Variants in STAP1 observed in about 807,000 individuals in gnomAD.
STAP1 encodes the protein signal-transducing adaptor protein 1.
A neutral mutation model predicts 37.8 loss-of-function variants in STAP1; 30 were observed. The ratio of observed to expected loss-of-function variants is 0.79; its 90% CI spans 0.59 to 1.08. The LOEUF (loss-of-function observed/expected upper bound fraction) is 1.08. Ranked by LOEUF, STAP1 falls within the 50% of genes least tolerant of loss-of-function variation. The pLI, the probability that STAP1 is intolerant of heterozygous loss-of-function variation, is 0.00. For synonymous variants in STAP1, 130 were observed against 116.0 expected, an observed-to-expected ratio of 1.12 and a Z score of -0.78; for missense variants, 357 against 349.4, an observed-to-expected ratio of 1.02 and a Z score of -0.17.
intron 1 of STAP1, among the ~76,000 whole-genome samples, chr4:67,569,266 T>G (rs1727545013): frequency 1.3e-5 from 2 of 152,210 alleles, no homozygotes; most frequent in African/African-American, 4.8e-5. Context: ...TATACCTGTA[T>G]AGGGCACTTA....
At chr4:67,576,532 T>C (rs116512207) in intron 3 of STAP1, among the ~76,000 whole-genome samples, 1 of 152,310 alleles carries the variant, frequency 6.6e-6, no homozygotes, top group African/African-American at 2.4e-5. Context: ...GTAATACCTG[T>C]GAAGTGCTTA....
At position 67,572,997 on chromosome 4, in the gene STAP1, TAA is replaced by T. The variant is rs532568714; in HGVS notation, c.192+1843_192+1844del. Among the ~76,000 whole-genome samples, 33 of 152,336 alleles carry T rather than the reference TAA, an allele frequency of 2.2e-4. No homozygotes were observed. The East Asian group carries it at 6.2e-3, about 28-fold the overall frequency. ...GAATTGCCCATCTACCAATTTTTGT[TAA>T]GAGTATACAGACCTTTTGGGAACTT... On this transcript the variant is annotated intron_variant, in intron 2 of 8. Coordinates refer to ENST00000265404, the MANE Select transcript of STAP1 (RefSeq NM_012108.4).
At chr4:67,563,696 C>T (rs1727403385) in intron 1 of STAP1, among the ~76,000 whole-genome samples, 2 of 152,166 alleles carry the variant, frequency 1.3e-5, no homozygotes, top group East Asian at 1.9e-4. Flanking sequence ...GAGCGAGACC[C>T]TGTCTCTCTA....
intron 8 of STAP1, among the ~76,000 whole-genome samples, chr4:67,602,878 T>G (rs1365665057): frequency 2.0e-5 from 3 of 152,074 alleles, no homozygotes; most frequent in Admixed American, 2.0e-4. Flanking sequence ...TGGTGACCAT[T>G]GTCTGGGTAC....
At chr4:67,595,060 T>C (rs113018940) in intron 8 of STAP1, among the ~76,000 whole-genome samples, 4 of 152,248 alleles carry the variant, frequency 2.6e-5, no homozygotes, top group South Asian at 2.1e-4. Flanking sequence ...GATTGTACTT[T>C]GGTGTTATAC....
rs879875528 is a variant in STAP1 at position 67,599,642 on chromosome 4, C to CT, written c.826+6297dup. 3.0e-3 allele frequency among the ~76,000 whole-genome samples: 430 copies of CT among 144,446 alleles called. 1 individual carries two copies. Among genetic ancestry groups the CT allele is most frequent in the African/African-American group, 6.2e-3 (246 of 39,592 alleles). 94.8% of individuals were successfully genotyped at this position (144,446 alleles called of 152,430 possible). A position where few individuals can be genotyped will look rare whatever the true frequency, so the allele number is the denominator to read the frequency against. ...TTTGTTGATTTTCTTTTTTCTTTTTCTTTTTTTTTTTATTTTTGAGATGGA... is the reference window on the plus strand; with the variant it reads ...TTTGTTGATTTTCTTTTTTCTTTTTCTTTTTTTTTTTTATTTTTGAGATGGA... On this transcript the variant is annotated intron_variant, in intron 8 of 8. Transcript: ENST00000265404.
At chr4:67,579,184 C>T (rs1254204544) in intron 4 of STAP1, among the ~76,000 whole-genome samples, 1 of 152,074 alleles carries the variant, frequency 6.6e-6, no homozygotes, top group African/African-American at 2.4e-5. Context: ...GACAAGTTGC[C>T]TCAAATTGTG....
intron 8 of STAP1, among the ~76,000 whole-genome samples, chr4:67,595,350 A>C (rs1728200576): frequency 7.0e-6 from 1 of 143,462 alleles, no homozygotes; most frequent in African/African-American, 2.7e-5. Context: ...ATCCTGGGCA[A>C]CATAGGGAGA....
chr4:67,571,200 C>T (rs1168427646), intron 2 of STAP1, 45 bp downstream of exon 2: 19 of 1,292,934 alleles, frequency 1.5e-5, no homozygotes, highest in Non-Finnish European at 2.0e-5. Context: ...CCAATATACC[C>T]TTGTCACATA....
chr4:67,591,616 T>C (rs992018222), intron 7 of STAP1, among the ~76,000 whole-genome samples: 1 of 152,194 alleles, frequency 6.6e-6, no homozygotes, highest in African/African-American at 2.4e-5. Context: ...AGTGGGAAGA[T>C]TGAGTCAGGA....
intron 8 of STAP1, among the ~76,000 whole-genome samples, chr4:67,599,184 G>A (rs1203281940): frequency 6.6e-6 from 1 of 151,968 alleles, no homozygotes; most frequent in Admixed American, 6.6e-5. Flanking sequence ...TTAAAAATGT[G>A]TCTTTGTTAG....
chr4:67,576,631 C>G (rs1727726469), intron 3 of STAP1, among the ~76,000 whole-genome samples: 1 of 152,154 alleles, frequency 6.6e-6, no homozygotes, highest in South Asian at 2.1e-4. Flanking sequence ...CTTAGCCTCT[C>G]AAGTAGCTGA....
chr4:67,569,474 T>C (rs1269039604), intron 1 of STAP1, among the ~76,000 whole-genome samples: 5 of 144,280 alleles, frequency 3.5e-5, no homozygotes, highest in Non-Finnish European at 8.0e-5. Flanking sequence ...TATTTTACAT[T>C]ATAAACTTGT....
At chr4:67,564,524 A>C (rs1727422053) in intron 1 of STAP1, among the ~76,000 whole-genome samples, 1 of 152,186 alleles carries the variant, frequency 6.6e-6, no homozygotes, top group Admixed American at 6.5e-5. Context: ...TACTGTAGTT[A>C]TGAGGCTGAT....
chr4:67,559,235 G>T (rs1727280535), intron 1 of STAP1, among the ~76,000 whole-genome samples: 1 of 152,020 alleles, frequency 6.6e-6, no homozygotes, highest in Non-Finnish European at 1.5e-5. Flanking sequence ...ATTTTGGCTT[G>T]GGAGATAAAA....
rs1052186468 is a variant in STAP1 at position 67,571,015 on chromosome 4, G to A, written c.121-69G>A. ...CACAAGCAATTAAGAAAGTTACAAA[G>A]GATAATATTATTAGAAAAATAGTTG... On this transcript the variant is annotated intron_variant, in intron 1 of 8. Transcript: ENST00000265404. 10 of 1,266,640 alleles carry A rather than the reference G, an allele frequency of 7.9e-6. No individual in the cohort carries two copies. The African/African-American group carries it at 1.5e-4, about 19-fold the overall frequency. 78.5% of individuals were successfully genotyped at this position (1,266,640 alleles called of 1,614,324 possible).
At chr4:67,603,324 A>T (rs1728384397) in intron 8 of STAP1, among the ~76,000 whole-genome samples, 1 of 152,170 alleles carries the variant, frequency 6.6e-6, no homozygotes, top group African/African-American at 2.4e-5. Context: ...TCCAGGAACC[A>T]AGGTCTAGAA....
intron 8 of STAP1, among the ~76,000 whole-genome samples, chr4:67,595,318 G>C (rs753833223): frequency 4.8e-5 from 7 of 144,334 alleles, no homozygotes; most frequent in Non-Finnish European, 1.0e-4. Flanking sequence ...GGAGGACAAG[G>C]CAGGAGGATC....
At chr4:67,576,106 T>C (rs1251979362) in intron 3 of STAP1, among the ~76,000 whole-genome samples, 12 of 152,178 alleles carry the variant, frequency 7.9e-5, no homozygotes, top group Admixed American at 7.9e-4. Context: ...GCAAGTTACT[T>C]ACCCTTTTTG....
Sources: gnomAD v4.1 joint callset for allele counts (sites outside exome capture counted in the v4.1 genomes callset) on GRCh38, gnomAD v4.1.1 for gene constraint, MANE v1.5 for transcripts, NCBI Gene and HGNC (gene_info 2026-07-23, HGNC 2026-07-21) for gene names.